SLC25A31: variants seen among roughly 807,000 people sequenced by gnomAD.
SLC25A31 encodes the protein ADP/ATP translocase 4.
SLC25A31 carries 40 observed loss-of-function variants against 36.2 expected under a neutral mutation model. The observed-to-expected ratio is 1.10, with a 90% CI of 0.86 to 1.44. The LOEUF (loss-of-function observed/expected upper bound fraction) is 1.44, where lower values mean the gene tolerates loss of function less well. Among genes scored for constraint, SLC25A31 ranks in the 40% most tolerant of loss-of-function variants. The pLI is 0.00. For synonymous variants in SLC25A31, 143 were observed against 149.7 expected (o/e 0.96, Z 0.32); for missense variants, 350 against 397.1 (o/e 0.88, Z 1.01).
At position 127,744,745 on chromosome 4, in the gene SLC25A31, T is replaced by G; in HGVS notation, c.306T>G (p.Ala102=). 6.2e-7 allele frequency: 1 copy of G among 1,602,250 alleles called. No homozygotes were observed. The highest frequency in any genetic ancestry group is 8.5e-7 in the Non-Finnish European group (1 of 1,172,914). The change falls in exon 2 of 6, where the codon GCT becomes GCG. Residue 102 remains alanine, a synonymous_variant. Transcript: ENST00000281154. The part of the protein sequence containing the change: ...RYFPTQALNF[A]FKDKYKQLFM... ...TTCCAACACAAGCTCTAAACTTTGC[T>G]TTTAAGGACAAATACAAGCAGCTAT...
At chr4:127,773,009 T>C (rs1022634147) in intron 5 of SLC25A31, among the ~76,000 whole-genome samples, 2 of 152,058 alleles carry the variant, frequency 1.3e-5, no homozygotes, top group African/African-American at 4.8e-5. Context: ...TCTCAAACTC[T>C]TGGGCTCAAG....
At chr4:127,752,029 G>T (rs983290308) in intron 2 of SLC25A31, among the ~76,000 whole-genome samples, 4 of 151,828 alleles carry the variant, frequency 2.6e-5, no homozygotes, top group South Asian at 4.2e-4. Context: ...CAAGGATCTA[G>T]AACTAGAAAT....
chr4:127,762,694 G>A (rs1162378375), intron 2 of SLC25A31, among the ~76,000 whole-genome samples: 3 of 151,976 alleles, frequency 2.0e-5, no homozygotes, highest in African/African-American at 7.2e-5. Flanking sequence ...CTAGGCAGGC[G>A]GATCACGAGG....
intron 1 of SLC25A31, among the ~76,000 whole-genome samples, chr4:127,742,892 T>C (rs1204883256): frequency 6.6e-6 from 1 of 152,212 alleles, no homozygotes. Flanking sequence ...CATTGGTTGT[T>C]AAGAGCATGT....
At chr4:127,765,562 C>T (rs1009271011) in intron 3 of SLC25A31, among the ~76,000 whole-genome samples, 1 of 152,016 alleles carries the variant, frequency 6.6e-6, no homozygotes, top group East Asian at 1.9e-4. Context: ...AGATACAGGG[C>T]GTGTGTGAGT....
intron 2 of SLC25A31, among the ~76,000 whole-genome samples, chr4:127,751,371 G>A (rs11733361): frequency 0.041 from 6,286 of 152,302 alleles, 194 homozygotes; most frequent in Non-Finnish European, 0.069. Flanking sequence ...CTAGCCATAT[G>A]TAGAAAGCTG....
At chr4:127,737,872 A>G (rs976392511) in intron 1 of SLC25A31, among the ~76,000 whole-genome samples, 3 of 151,848 alleles carry the variant, frequency 2.0e-5, no homozygotes, top group Non-Finnish European at 2.9e-5. Flanking sequence ...GCTATTATGT[A>G]TTATACTCAT....
At chr4:127,732,583 G>A (rs72616939) in intron 1 of SLC25A31, among the ~76,000 whole-genome samples, 4,581 of 152,262 alleles carry the variant, frequency 0.03, 296 homozygotes, top group East Asian at 0.26. Context: ...AGATAGGGCT[G>A]ACTAGTGCTA....
chr4:127,764,449 T>C (rs1001630938), intron 3 of SLC25A31, 89 bp downstream of exon 3: 8 of 1,102,074 alleles, frequency 7.3e-6, no homozygotes, highest in Middle Eastern at 4.3e-4. Flanking sequence ...ATAATAGTGT[T>C]ACCAGATAAA....
intron 1 of SLC25A31, among the ~76,000 whole-genome samples, chr4:127,739,907 C>T (rs1731702399): frequency 6.6e-6 from 1 of 151,938 alleles, no homozygotes; most frequent in Non-Finnish European, 1.5e-5. Flanking sequence ...CTTAAGTAAG[C>T]TTTTCAATTC....
In SLC25A31 at chr4:127,744,810, T is replaced by A. The variant is rs371243428; in HGVS notation, c.360+11T>A. The A allele has an allele frequency of 7.1e-5, 103 of 1,449,802 alleles. No homozygotes were observed. Among genetic ancestry groups the A allele is most frequent in the African/African-American group, 2.4e-4 (17 of 69,920 alleles). The allele number at this position is 1,449,802 out of a possible 1,614,324, so 89.8% of individuals were successfully genotyped here. A position where few individuals can be genotyped will look rare whatever the true frequency, so the allele number is the denominator to read the frequency against. On this transcript the variant is annotated intron_variant, in intron 2 of 5. Transcript: ENST00000281154. ...AATAAAGAAAAACAGGTAATTATAT[T>A]TTTTTTTTACTTTTTTCTTCCAATA...
At chr4:127,741,671 A>G (rs115049438) in intron 1 of SLC25A31, among the ~76,000 whole-genome samples, 3,752 of 152,020 alleles carry the variant, frequency 0.025, 142 homozygotes, top group African/African-American at 0.086. Context: ...TTGGCCTGCA[A>G]TTTTCTTTTC....
chr4:127,731,963 T>C (rs972100999), intron 1 of SLC25A31, among the ~76,000 whole-genome samples: 1 of 152,244 alleles, frequency 6.6e-6, no homozygotes, highest in African/African-American at 2.4e-5. Flanking sequence ...ATTTAAAATT[T>C]CATTTTTGTT....
intron 2 of SLC25A31, among the ~76,000 whole-genome samples, chr4:127,755,947 C>T (rs182651041): frequency 1.2e-3 from 188 of 151,918 alleles, no homozygotes; most frequent in African/African-American, 4.0e-3. Context: ...GCAGGAGAAT[C>T]GCTTGAACCC....
intron 3 of SLC25A31, among the ~76,000 whole-genome samples, chr4:127,765,805 A>G (rs1732230015): frequency 6.6e-6 from 1 of 152,222 alleles, no homozygotes; most frequent in South Asian, 2.1e-4. Context: ...TGGCAGTTTG[A>G]GCAAAAATAA....
Position 127,730,745 on chromosome 4 carries a change from T to C in SLC25A31, c.200T>C (p.Val67Ala), listed in dbSNP as rs1731505917. 6.2e-7 allele frequency: 1 copy of C among 1,613,264 alleles called. No individual in the cohort carries two copies. The highest frequency in any genetic ancestry group is 1.7e-5 in the Admixed American group (1 of 59,988). Residue 67 changes from valine (V) to alanine (A), a missense_variant, in exon 1 of 6, where the codon GTG (valine) becomes GCG (alanine). By Grantham distance (64) the Val-to-Ala change is moderately conservative (BLOSUM62 0). Transcript: ENST00000281154. Reference sequence around the variant, plus strand: ...CCCGAGGCGCGGTACAAAGGCATGGTGGACTGCCTGGTGCGGATTCCTCGC... The same window carrying C: ...CCCGAGGCGCGGTACAAAGGCATGGCGGACTGCCTGGTGCGGATTCCTCGC... Reference protein sequence around the residue: ...ISPEARYKGMVDCLVRIPREQ... With the variant: ...ISPEARYKGMADCLVRIPREQ...
chr4:127,766,975 CA>C lies in SLC25A31; in HGVS notation c.479-90del, dbSNP rs1732256026. 3 of 1,120,158 alleles carry C rather than the reference CA, an allele frequency of 2.7e-6. No homozygotes were observed. In the African/African-American group the frequency reaches 4.8e-5, roughly 18 times the overall value. 69.4% of individuals were successfully genotyped at this position (1,120,158 alleles called of 1,614,324 possible). ...TTGTTAGATTTGTAAGTGGGAATTT[CA>C]GATCATTTAGATCTGTAAAGGTTTA... On this transcript the variant is annotated intron_variant, in intron 3 of 5. Coordinates refer to ENST00000281154, the MANE Select transcript of SLC25A31 (RefSeq NM_031291.4).
intron 2 of SLC25A31, among the ~76,000 whole-genome samples, chr4:127,762,837 T>A (rs1033796740): frequency 2.0e-5 from 3 of 150,744 alleles, no homozygotes; most frequent in Non-Finnish European, 2.9e-5. Context: ...GGCAGGAGAA[T>A]GGCGTGAACC....
At chr4:127,735,559 A>T in intron 1 of SLC25A31, among the ~76,000 whole-genome samples, 1 of 152,128 alleles carries the variant, frequency 6.6e-6, no homozygotes, top group East Asian at 1.9e-4. Context: ...GATCAGGAAC[A>T]TTGTTCCTAG....
Sources: gnomAD v4.1 joint callset for allele counts (sites outside exome capture counted in the v4.1 genomes callset) on GRCh38, gnomAD v4.1.1 for gene constraint, MANE v1.5 for transcripts, NCBI Gene and HGNC (gene_info 2026-07-23, HGNC 2026-07-21) for gene names.